The following OLA1 variants were observed in gnomAD, a reference collection of about 807,000 sequenced individuals.
OLA1 encodes obg-like ATPase 1.
In OLA1, 14 loss-of-function variants were observed where a neutral mutation model predicts 48.4. That is an observed-to-expected ratio of 0.29 (90% CI 0.19 to 0.45). The LOEUF is 0.45. OLA1 is among the 20% of genes least tolerant of loss of function. OLA1 has a pLI of 1.00. For synonymous variants in OLA1, 127 were observed against 150.4 expected (o/e 0.84, Z 1.14); for missense variants, 325 against 467.1 (o/e 0.70, Z 2.80).
chr2:174,214,336 AAAAT>A (rs1319202704), intron 4 of OLA1, among the ~76,000 whole-genome samples: 11 of 152,142 alleles, frequency 7.2e-5, no homozygotes, highest in Non-Finnish European at 1.0e-4. Flanking sequence ...CCGCCTCAAA[AAAAT>A]AAATAAATAA....
intron 2 of OLA1, among the ~76,000 whole-genome samples, chr2:174,241,566 T>C (rs1312479840): frequency 3.3e-5 from 5 of 152,188 alleles, no homozygotes; most frequent in Non-Finnish European, 7.3e-5. Context: ...CTGGGGCAGT[T>C]TGTGAGTGTT....
intron 4 of OLA1, among the ~76,000 whole-genome samples, chr2:174,204,689 T>C (rs970511768): frequency 1.3e-5 from 2 of 152,080 alleles, no homozygotes; most frequent in African/African-American, 2.4e-5. Context: ...AAGCTATTAT[T>C]AATAATAAAG....
intron 4 of OLA1, among the ~76,000 whole-genome samples, chr2:174,175,123 C>T (rs1056034277): frequency 1.3e-5 from 2 of 151,768 alleles, no homozygotes; most frequent in African/African-American, 4.8e-5. Context: ...AGATGACAGG[C>T]CCGAATGTAA....
At chr2:174,141,027 G>C (rs538081292) in intron 5 of OLA1, among the ~76,000 whole-genome samples, 1 of 152,292 alleles carries the variant, frequency 6.6e-6, no homozygotes, top group South Asian at 2.1e-4. Context: ...CGCCTCCCGG[G>C]TTCAAGCAAT....
At chr2:174,147,424 T>C (rs1426991520) in intron 4 of OLA1, among the ~76,000 whole-genome samples, 1 of 151,816 alleles carries the variant, frequency 6.6e-6, no homozygotes, top group Non-Finnish European at 1.5e-5. Flanking sequence ...CGAAACTCCG[T>C]CTCAAAAAAA....
intron 4 of OLA1, among the ~76,000 whole-genome samples, chr2:174,218,435 GTTATGTTTA>G (rs1404432270): frequency 1.3e-5 from 2 of 152,062 alleles, no homozygotes; most frequent in Non-Finnish European, 2.9e-5. Flanking sequence ...TCTGACAGTT[GTTATGTTTA>G]TTAAGTGTCA....
At chr2:174,128,650 T>C (rs1316122130) in intron 5 of OLA1, among the ~76,000 whole-genome samples, 1 of 150,492 alleles carries the variant, frequency 6.6e-6, no homozygotes, top group Non-Finnish European at 1.5e-5. Context: ...GGCAGTAGAA[T>C]CACTTGAACC....
intron 4 of OLA1, among the ~76,000 whole-genome samples, chr2:174,212,755 C>A (rs939460685): frequency 6.6e-6 from 1 of 152,070 alleles, no homozygotes; most frequent in African/African-American, 2.4e-5. Flanking sequence ...GTAGCCTAAG[C>A]TTACACAGGG....
chr2:174,185,515 T>C (rs1180390566), intron 4 of OLA1, among the ~76,000 whole-genome samples: 1 of 151,322 alleles, frequency 6.6e-6, no homozygotes, highest in Non-Finnish European at 1.5e-5. Flanking sequence ...CCTATGAGCA[T>C]TTTTTTTTAT....
At position 174,211,068 on chromosome 2, in the gene OLA1, A is replaced by C. The variant is rs114699073; in HGVS notation, c.373+11965T>G. Among the ~76,000 whole-genome samples the C allele has an allele frequency of 8.2e-3, 1,253 of 152,182 alleles. 19 individuals carry two copies. The highest frequency in any genetic ancestry group is 0.029 in the African/African-American group (1,190 of 41,516). On this transcript the variant is annotated intron_variant, in intron 4 of 10. Coordinates refer to ENST00000284719, the MANE Select transcript of OLA1 (RefSeq NM_013341.5). ...GAAGCTAGATAATATTCCCTCACCA[A>C]GAATACACAGAATAGGGAAAAGTCA...
chr2:174,177,430 C>T (rs1031884328), intron 4 of OLA1, among the ~76,000 whole-genome samples: 13 of 152,088 alleles, frequency 8.5e-5, no homozygotes, highest in Non-Finnish European at 1.6e-4. Flanking sequence ...ACTCTTAATT[C>T]AACCACCATC....
chr2:174,120,973 T>G (rs1219123253), intron 7 of OLA1, among the ~76,000 whole-genome samples: 6 of 152,160 alleles, frequency 3.9e-5, no homozygotes, highest in Non-Finnish European at 8.8e-5. Context: ...AAACAAAAAC[T>G]TTTTCTTTTG....
At chr2:174,096,940 G>A (rs1242226821) in intron 7 of OLA1, among the ~76,000 whole-genome samples, 5 of 152,106 alleles carry the variant, frequency 3.3e-5, no homozygotes, top group African/African-American at 9.7e-5. Context: ...GGCAGATCAC[G>A]AGGTCAGGAG....
At position 174,091,736 on chromosome 2, in the gene OLA1, T is replaced by C. The variant is rs1002568788; in HGVS notation, c.729-9672A>G. On this transcript the variant is annotated intron_variant, in intron 7 of 10. Transcript: ENST00000284719. ...CACCATCTCTACTATGAGCCGGGTA[T>C]GGTGGCGGGCACCTGTAGTCCCAGC... is the stretch of plus-strand genomic sequence containing the variant. Among the ~76,000 whole-genome samples the C allele has an allele frequency of 1.7e-4, 26 of 151,654 alleles. 1 individual carries two copies. The highest frequency in any genetic ancestry group is 6.3e-4 in the African/African-American group (26 of 41,278).
At chr2:174,210,942 C>T (rs1688226589) in intron 4 of OLA1, among the ~76,000 whole-genome samples, 1 of 152,158 alleles carries the variant, frequency 6.6e-6, no homozygotes, top group South Asian at 2.1e-4. Flanking sequence ...TTCCCTCCAG[C>T]TTTGCATCCT....
intron 4 of OLA1, among the ~76,000 whole-genome samples, chr2:174,208,623 T>C (rs1314556682): frequency 6.6e-6 from 1 of 152,112 alleles, no homozygotes; most frequent in Non-Finnish European, 1.5e-5. Context: ...AAATTGAAAA[T>C]TTTAAAAGCT....
At chr2:174,175,308 A>AG (rs1347069820) in intron 4 of OLA1, among the ~76,000 whole-genome samples, 7 of 151,404 alleles carry the variant, frequency 4.6e-5, no homozygotes, top group Non-Finnish European at 8.9e-5. Context: ...AAAAAAAAAA[A>AG]AAGCCAGCCA....
intron 5 of OLA1, among the ~76,000 whole-genome samples, chr2:174,124,705 A>C (rs1686007264): frequency 6.6e-6 from 1 of 152,164 alleles, no homozygotes; most frequent in African/African-American, 2.4e-5. Flanking sequence ...CATTTCTCAA[A>C]ATTTATTGTA....
At chr2:174,121,306 T>C (rs780967798) in intron 7 of OLA1, among the ~76,000 whole-genome samples, 2 of 152,186 alleles carry the variant, frequency 1.3e-5, no homozygotes, top group Non-Finnish European at 2.9e-5. Context: ...CATAAATATA[T>C]GACAAATACT....
Sources: gnomAD v4.1 joint callset for allele counts (sites outside exome capture counted in the v4.1 genomes callset) on GRCh38, gnomAD v4.1.1 for gene constraint, MANE v1.5 for transcripts, NCBI Gene and HGNC (gene_info 2026-07-23, HGNC 2026-07-21) for gene names.